Variants in MLXIPL observed in about 807,000 individuals in gnomAD.
MLXIPL encodes MLX interacting protein like, also known as carbohydrate-responsive element-binding protein.
A neutral mutation model predicts 81.5 loss-of-function variants in MLXIPL; 49 were observed. The observed-to-expected ratio is 0.60, with a 90% confidence interval of 0.48 to 0.76. The LOEUF (loss-of-function observed/expected upper bound fraction) is 0.76, where lower values mean the gene tolerates loss of function less well. Ranked by LOEUF, MLXIPL falls within the 30% of genes least tolerant of loss-of-function variation. The pLI is 0.00. For missense variants in MLXIPL, 1,053 were observed against 1,167.0 expected (o/e 0.90, Z 1.42); for synonymous variants, 466 against 485.5 (o/e 0.96, Z 0.53).
At chr7:73,608,337 C>T (rs569882330) in intron 2 of MLXIPL, among the ~76,000 whole-genome samples, 1 of 152,128 alleles carries the variant, frequency 6.6e-6, no homozygotes, top group South Asian at 2.1e-4. Flanking sequence ...CACCTGTAAT[C>T]CCAGCACTTT....
At chr7:73,607,106 G>A in intron 4 of MLXIPL, 88 bp from the exon 5 acceptor site, 1 of 1,521,088 alleles carries the variant, frequency 6.6e-7, no homozygotes, top group South Asian at 1.2e-5. Flanking sequence ...CACAAGCGAT[G>A]AGATCCCCCA....
At chr7:73,605,615 C>T in intron 7 of MLXIPL, 73 bp downstream of exon 7, 1 of 1,419,424 alleles carries the variant, frequency 7.0e-7, no homozygotes, top group East Asian at 2.3e-5. Flanking sequence ...CCAGAGGGGC[C>T]TGGGATGGGC....
chr7:73,613,069 G>A (rs1227697257), intron 2 of MLXIPL, among the ~76,000 whole-genome samples: 2 of 152,164 alleles, frequency 1.3e-5, no homozygotes, highest in Non-Finnish European at 2.9e-5. Context: ...AATCTTAGAG[G>A]ATAGGAGCCT....
At chr7:73,620,477 A>C (rs1554601709) in intron 1 of MLXIPL, among the ~76,000 whole-genome samples, 1 of 151,062 alleles carries the variant, frequency 6.6e-6, no homozygotes, top group Non-Finnish European at 1.5e-5. Context: ...CCAGTAGCTC[A>C]CACCTGTAAT....
chr7:73,626,196 G>T (rs577845120), upstream of MLXIPL, among the ~76,000 whole-genome samples: 7 of 152,122 alleles, frequency 4.6e-5, no homozygotes, highest in Non-Finnish European at 1.0e-4. Context: ...TAGAGACGAG[G>T]TTTCTCCATG....
chr7:73,601,647 C>T lies in MLXIPL; in HGVS notation c.902-1952G>A, dbSNP rs150572544. Among the ~76,000 whole-genome samples the T allele has an allele frequency of 1.1e-4, 17 of 152,240 alleles. No homozygotes were observed. The East Asian group carries it at 2.1e-3, about 19-fold the overall frequency. On this transcript the variant is annotated intron_variant, in intron 7 of 16. Transcript: ENST00000313375. ...CTGGGTTCAAACGATTCTCATGCCT[C>T]GGCTTCCCGAGTAGCTGGGATTACA...
the MLXIPL span, among the ~76,000 whole-genome samples, chr7:73,637,534 A>G: frequency 6.6e-6 from 1 of 152,096 alleles, no homozygotes; most frequent in Non-Finnish European, 1.5e-5. Context: ...AAGCACTGAT[A>G]CGCAAGACAG....
chr7:73,639,819 G>A, the MLXIPL span, among the ~76,000 whole-genome samples: 1 of 152,124 alleles, frequency 6.6e-6, no homozygotes, highest in Non-Finnish European at 1.5e-5. Flanking sequence ...AGCACTTTGG[G>A]AGGCTGAGGC....
intron 1 of MLXIPL, 29 bp from the exon 2 acceptor site, chr7:73,616,206 G>A: frequency 6.4e-7 from 1 of 1,553,910 alleles, no homozygotes; most frequent in Non-Finnish European, 8.9e-7. Flanking sequence ...GTAGGGTTAG[G>A]GAGATGCAGT....
chr7:73,594,065 G>T, intron 16 of MLXIPL, 82 bp from the exon 17 acceptor site: 1 of 1,414,158 alleles, frequency 7.1e-7, no homozygotes, highest in Non-Finnish European at 1.0e-6. Flanking sequence ...AAGGGATAGG[G>T]GGAGGTATTA....
In MLXIPL at chr7:73,607,350, C is replaced by T. The variant is rs1554598567; in HGVS notation, c.554G>A (p.Arg185His). The T allele has an allele frequency of 2.6e-6, 4 of 1,566,546 alleles. No individual in the cohort carries two copies. In the South Asian group the frequency reaches 3.5e-5, roughly 14 times the overall value. The change falls in exon 4 of 17, where the codon CGC becomes CAC. Residue 185 changes from arginine to histidine, a missense_variant. Transcript: ENST00000313375. ...EVVMREYHKW[R>H]IYYKKRLRKP... ...ACTGACCCGCTTCTTGTAGTAGATG[C>T]GCCACTTGTGGTATTCCCGCATCAC...
chr7:73,626,046 C>T (rs1329305066), upstream of MLXIPL, among the ~76,000 whole-genome samples: 4 of 152,188 alleles, frequency 2.6e-5, no homozygotes, highest in African/African-American at 9.6e-5. Context: ...CTCTGTCACC[C>T]AGGCTGGAGT....
At chr7:73,628,063 C>G (rs1400227007), upstream of MLXIPL, among the ~76,000 whole-genome samples, 2 of 152,014 alleles carry the variant, frequency 1.3e-5, no homozygotes, top group Middle Eastern at 3.2e-3. Context: ...CTCAAGCGAC[C>G]CTTCCACCAC....
chr7:73,594,198 G>T (rs1476248055), intron 16 of MLXIPL, 76 bp downstream of exon 16: 1 of 1,596,636 alleles, frequency 6.3e-7, no homozygotes, highest in East Asian at 2.2e-5. Flanking sequence ...CTGGATGTGG[G>T]ATCTAAGCAG....
In MLXIPL at chr7:73,594,399, C is replaced by G; in HGVS notation, c.2315G>C (p.Ser772Thr). ...CTCAAACAGAGGCCGGATGAGGATG[C>G]TGAACTGGGCCCAGGTCAAGGAGCT... ...TLHNWKFWVF[S>T]ILIRPLFESF... The change falls in exon 16 of 17, where the codon AGC becomes ACC. Residue 772 changes from serine to threonine, a missense_variant. Around this residue, in one of 3 missense-constraint regions of MLXIPL, gnomAD observed 823 missense variants for 933.0 expected, o/e 0.88. Transcript: ENST00000313375. The G allele has an allele frequency of 6.2e-7, 1 of 1,602,292 alleles. No homozygotes were observed. The highest frequency in any genetic ancestry group is 8.5e-7 in the Non-Finnish European group (1 of 1,179,960).
In MLXIPL at chr7:73,594,365, G is replaced by A. The variant is rs185020196; in HGVS notation, c.2349C>T (p.Asn783=). 72 of 1,607,882 alleles carry A rather than the reference G, an allele frequency of 4.5e-5. No homozygotes were observed. Among genetic ancestry groups the A allele is most frequent in the Middle Eastern group, 1.6e-4 (1 of 6,062 alleles). ...ILIRPLFESF[N]GMVSTASVHT... ...GCACACTTGCCGTGGACACCATCCC[G>A]TTGAAGGACTCAAACAGAGGCCGGA... Residue 783 remains asparagine (N), a synonymous_variant, in exon 16 of 17, where the codon AAC becomes AAT. Transcript: ENST00000313375.
chr7:73,596,032 G>A lies in MLXIPL; in HGVS notation c.2059-63C>T, dbSNP rs1794261805. The A allele has an allele frequency of 7.5e-6, 12 of 1,605,720 alleles. No homozygotes were observed. Among genetic ancestry groups the A allele is most frequent in the Non-Finnish European group, 1.0e-5 (12 of 1,178,378 alleles). ...AGGCTGTACCCTGGGACCCACTGAGGCACTGGGATGGGAGGAGGCAAGAGT... is the reference window on the plus strand; with the variant it reads ...AGGCTGTACCCTGGGACCCACTGAGACACTGGGATGGGAGGAGGCAAGAGT... On this transcript the variant is annotated intron_variant, in intron 13 of 16. Transcript: ENST00000313375. The surrounding 1 kb of genome is among the most constrained non-coding windows in gnomAD (Gnocchi z 4.7).
At chr7:73,599,046 C>A (rs569400252) in intron 8 of MLXIPL, among the ~76,000 whole-genome samples, 2 of 148,296 alleles carry the variant, frequency 1.3e-5, no homozygotes, top group South Asian at 2.1e-4. Flanking sequence ...CGAGCCTAGG[C>A]GACAGAGTGA....
chr7:73,620,474 C>T (rs1168337905), intron 1 of MLXIPL, among the ~76,000 whole-genome samples: 1 of 151,168 alleles, frequency 6.6e-6, no homozygotes, highest in African/African-American at 2.4e-5. Flanking sequence ...GGCCCAGTAG[C>T]TCACACCTGT....
Sources: gnomAD v4.1 joint callset for allele counts (sites outside exome capture counted in the v4.1 genomes callset) on GRCh38, gnomAD v4.1.1 for gene constraint, gnomAD v4.1.1 regional missense constraint, Gnocchi (gnomAD v3.1) non-coding constraint, MANE v1.5 for transcripts, NCBI Gene and HGNC (gene_info 2026-07-23, HGNC 2026-07-21) for gene names.